CUL7: variants seen among roughly 807,000 people sequenced by gnomAD.
CUL7 encodes the protein cullin 7, also known as cullin-7.
Under a neutral mutation model 177.7 loss-of-function variants are expected in CUL7, and 96 were observed. The observed-to-expected ratio is 0.54, with a 90% confidence interval of 0.46 to 0.64. The LOEUF is 0.64. CUL7 is among the 30% of genes least tolerant of loss of function. The pLI is 0.00. For synonymous variants in CUL7, 824 were observed against 890.2 expected (o/e 0.93, Z 1.32); for missense variants, 1,893 against 2,187.9 (o/e 0.87, Z 2.69).
chr6:43,044,361 T>C (rs1490707688), intron 16 of CUL7, among the ~76,000 whole-genome samples: 1 of 151,370 alleles, frequency 6.6e-6, no homozygotes, highest in East Asian at 1.9e-4. Context: ...TAGCCAGGCA[T>C]GGTGGTGCAT....
At chr6:43,041,146 G>T in intron 19 of CUL7, 71 bp from the exon 20 acceptor site, 1 of 1,518,980 alleles carries the variant, frequency 6.6e-7, no homozygotes, top group African/African-American at 1.4e-5. Flanking sequence ...GGAGGGATGA[G>T]GGTCTGGAAA....
Position 43,048,113 on chromosome 6 carries a change from T to C in CUL7, c.2169+35A>G, listed in dbSNP as rs560561057. ...CTTGCCAGTGGCTGCCTTTATCCTCTCCCCCAGCCTCTCCCCAGAGCAGGG... is the reference window on the plus strand; with the variant it reads ...CTTGCCAGTGGCTGCCTTTATCCTCCCCCCCAGCCTCTCCCCAGAGCAGGG... On this transcript the variant is annotated intron_variant, in intron 9 of 25. Coordinates refer to ENST00000265348, the MANE Select transcript of CUL7 (RefSeq NM_014780.5). 32 of 1,431,778 alleles carry C rather than the reference T, an allele frequency of 2.2e-5. No individual in the cohort carries two copies. In the East Asian group the frequency reaches 7.3e-4, roughly 33 times the overall value. 88.7% of individuals were successfully genotyped at this position (1,431,778 alleles called of 1,614,324 possible). A position where few individuals can be genotyped will look rare whatever the true frequency, so the allele number is the denominator to read the frequency against.
chr6:43,049,586 T>G lies in CUL7; in HGVS notation c.1646A>C (p.Gln549Pro), dbSNP rs1166502048. ...CCTGAGGGCACTGTCATTGAGTCGC[T>G]GTGGCAGAGTCAGCAGCAAGTCCTG... is the stretch of plus-strand genomic sequence containing the variant. ...LAQDLLLTLP[Q>P]RLNDSALRDL... Residue 549 changes from glutamine (Q) to proline (P), a missense_variant, in exon 7 of 26, where the codon CAG (glutamine) becomes CCG (proline). Physicochemically the swap from Gln to Pro is moderately conservative, Grantham distance 76. Coordinates refer to ENST00000265348, the MANE Select transcript of CUL7 (RefSeq NM_014780.5). 6.2e-7 allele frequency: 1 copy of G among 1,614,230 alleles called. No homozygotes were observed. Among genetic ancestry groups the G allele is most frequent in the South Asian group, 1.1e-5 (1 of 91,084 alleles).
rs568980694 is a variant in CUL7 at position 43,051,918 on chromosome 6, C to A, written c.581-155G>T. 6.6e-6 allele frequency among the ~76,000 whole-genome samples: 1 copy of A among 152,238 alleles called. No individual in the cohort carries two copies. The highest frequency in any genetic ancestry group is 2.1e-4 in the South Asian group (1 of 4,822). On this transcript the variant is annotated intron_variant, in intron 2 of 25. Coordinates refer to ENST00000265348, the MANE Select transcript of CUL7 (RefSeq NM_014780.5). This position sits in a 1 kb window ranked among gnomAD's most constrained non-coding sequence, Gnocchi z 5.0. The stretch of plus-strand genomic sequence containing the variant: ...TAAAATTTGCTAACTTATACACATA[C>A]ACACACACACGCACATAAACACGAT...
In CUL7 at chr6:43,053,773, C is replaced by T; in HGVS notation, c.-160G>A. On this transcript the variant is annotated 5_prime_UTR_variant, in exon 1 of 26. Transcript: ENST00000265348. This position sits in a 1 kb window ranked among gnomAD's most constrained non-coding sequence, Gnocchi z 4.1. The stretch of plus-strand genomic sequence containing the variant: ...GGGGGCGTGCCTCCGCGGAACAGAG[C>T]TGCACCCGCGTGAGTCGGCAGCCAC... 6.5e-7 allele frequency: 1 copy of T among 1,530,608 alleles called. No individual in the cohort carries two copies. The highest frequency in any genetic ancestry group is 8.7e-7 in the Non-Finnish European group (1 of 1,144,856). 94.8% of individuals were successfully genotyped at this position (1,530,608 alleles called of 1,614,324 possible).
Position 43,050,415 on chromosome 6 carries a change from G to T in CUL7, c.1234-17C>A, listed in dbSNP as rs777421577. The T allele has an allele frequency of 6.2e-7, 1 of 1,613,966 alleles. No individual in the cohort carries two copies. Among genetic ancestry groups the T allele is most frequent in the East Asian group, 2.2e-5 (1 of 44,886 alleles). ...CCAAAATACCTGGAGCATAGGGAAA[G>T]AAAGAGGGAAGGGGAAGGGAGGACT... On this transcript the variant is annotated splice_polypyrimidine_tract_variant and intron_variant, in intron 4 of 25. Coordinates refer to ENST00000265348, the MANE Select transcript of CUL7 (RefSeq NM_014780.5). The surrounding 1 kb of genome is among the most constrained non-coding windows in gnomAD (Gnocchi z 4.1).
chr6:43,043,199 T>C lies in CUL7; in HGVS notation c.3356-19A>G, dbSNP rs1207498635. 1 of 1,599,500 alleles carries C rather than the reference T, an allele frequency of 6.3e-7. No homozygotes were observed. The highest frequency in any genetic ancestry group is 1.1e-5 in the South Asian group (1 of 90,638). ...CTGCCTTCTGTAGAGACCAAGAAAGTGGCAGAGGCAAGGAGGGTGCAGCCC... is the reference window on the plus strand; with the variant it reads ...CTGCCTTCTGTAGAGACCAAGAAAGCGGCAGAGGCAAGGAGGGTGCAGCCC... On this transcript the variant is annotated intron_variant, in intron 17 of 25. Transcript: ENST00000265348. This position sits in a 1 kb window ranked among gnomAD's most constrained non-coding sequence, Gnocchi z 4.2.
chr6:43,048,283 C>A (rs937848508), intron 8 of CUL7, 30 bp from the exon 9 acceptor site: 3 of 1,597,726 alleles, frequency 1.9e-6, no homozygotes, highest in Non-Finnish European at 2.6e-6. Context: ...TAGCCAGCCT[C>A]ATGGACCCCC....
chr6:43,051,843 C>A lies in CUL7; in HGVS notation c.581-80G>T. 6.4e-7 allele frequency: 1 copy of A among 1,550,890 alleles called. No individual in the cohort carries two copies. Among genetic ancestry groups the A allele is most frequent in the Non-Finnish European group, 8.9e-7 (1 of 1,123,954 alleles). On this transcript the variant is annotated intron_variant, in intron 2 of 25. Coordinates refer to ENST00000265348, the MANE Select transcript of CUL7 (RefSeq NM_014780.5). The surrounding 1 kb of genome is among the most constrained non-coding windows in gnomAD (Gnocchi z 5.0). ...TCTTAGACCCTCTACTCTTTCAATC[C>A]AATCCTTTTGCCACCACACAATGAG...
In CUL7 at chr6:43,052,037, A is replaced by G; in HGVS notation, c.580+172T>C. 1 of 1,229,262 alleles carries G rather than the reference A, an allele frequency of 8.1e-7. No homozygotes were observed. The allele number at this position is 1,229,262 out of a possible 1,614,324, so 76.1% of individuals were successfully genotyped here. The stretch of plus-strand genomic sequence containing the variant: ...GATAGTCTTTCCTCTTTTGGCAGAT[A>G]ACCCCCACCCTCACTCCCATGCCCA... On this transcript the variant is annotated intron_variant, in intron 2 of 25. Transcript: ENST00000265348. This position sits in a 1 kb window ranked among gnomAD's most constrained non-coding sequence, Gnocchi z 4.5.
At position 43,053,783 on chromosome 6, in the gene CUL7, G is replaced by A. The variant is rs1247699774; in HGVS notation, c.-170C>T. 5 of 1,531,606 alleles carry A rather than the reference G, an allele frequency of 3.3e-6. No individual in the cohort carries two copies. The highest frequency in any genetic ancestry group is 3.5e-6 in the Non-Finnish European group (4 of 1,145,438). The allele number at this position is 1,531,606 out of a possible 1,614,324, so 94.9% of individuals were successfully genotyped here. A position where few individuals can be genotyped will look rare whatever the true frequency, so the allele number is the denominator to read the frequency against. ...CTCCGCGGAACAGAGCTGCACCCGC[G>A]TGAGTCGGCAGCCACTGGGGCAGGG... On this transcript the variant is annotated 5_prime_UTR_variant, in exon 1 of 26. It adds an upstream start codon to the 5' untranslated region. Transcript: ENST00000265348. The surrounding 1 kb of genome is among the most constrained non-coding windows in gnomAD (Gnocchi z 4.1).
In CUL7 at chr6:43,044,755, G is replaced by C; in HGVS notation, c.3169C>G (p.Pro1057Ala). The change falls in exon 16 of 26, where the codon CCT becomes GCT. Residue 1057 changes from proline (P) to alanine (A), a missense_variant. This residue lies in a region of CUL7 where 973 missense variants were observed against 1,140.9 expected (regional missense o/e 0.85). Coordinates refer to ENST00000265348, the MANE Select transcript of CUL7 (RefSeq NM_014780.5). The stretch of plus-strand genomic sequence containing the variant: ...GTCCAGATGTCAGGATGGTTACCAG[G>C]GGAGGTGATGTTCTGCACCACGGGG... ...VSPVVQNITS[P>A]DEDGISPLGW... 1.2e-6 allele frequency: 2 copies of C among 1,609,242 alleles called. No individual in the cohort carries two copies. The highest frequency in any genetic ancestry group is 1.7e-6 in the Non-Finnish European group (2 of 1,175,982).
Position 43,040,912 on chromosome 6 carries a change from C to T in CUL7, c.3806+3G>A. On this transcript the variant is annotated splice_donor_region_variant and intron_variant, in intron 20 of 25. Transcript: ENST00000265348. The surrounding 1 kb of genome is among the most constrained non-coding windows in gnomAD (Gnocchi z 4.2). ...AGCTCCCGCTCCTTAGGTCCACACT[C>T]ACTGGTAATAATGCTCAAAAGTGGT... The T allele has an allele frequency of 6.2e-7, 1 of 1,613,160 alleles. No homozygotes were observed. The highest frequency in any genetic ancestry group is 1.1e-5 in the South Asian group (1 of 90,836).
Position 43,044,891 on chromosome 6 carries a change from G to A in CUL7, c.3039-6C>T. The A allele has an allele frequency of 6.2e-7, 1 of 1,612,434 alleles. No homozygotes were observed. Among genetic ancestry groups the A allele is most frequent in the Non-Finnish European group, 8.5e-7 (1 of 1,178,674 alleles). On this transcript the variant is annotated splice_polypyrimidine_tract_variant and splice_region_variant and intron_variant, in intron 15 of 25. Transcript: ENST00000265348. Reference sequence around the variant, plus strand: ...GGCGCAGAGCACCGTTGAGTCTGGGGGTGAGAATGGAGGAGGAAGGTGTCA... The same window carrying A: ...GGCGCAGAGCACCGTTGAGTCTGGGAGTGAGAATGGAGGAGGAAGGTGTCA...
intron 22 of CUL7, among the ~76,000 whole-genome samples, chr6:43,039,778 C>T (rs548501607): frequency 2.8e-4 from 36 of 128,182 alleles, no homozygotes; most frequent in Non-Finnish European, 5.2e-4. Flanking sequence ...GTCTCGCTGT[C>T]GCCCAGGCTA....
At position 43,046,310 on chromosome 6, in the gene CUL7, C is replaced by A. The variant is rs749595977; in HGVS notation, c.2586G>T (p.Lys862Asn). The A allele has an allele frequency of 2.2e-5, 35 of 1,614,084 alleles. No homozygotes were observed. In the Admixed American group the frequency reaches 5.7e-4, roughly 26 times the overall value. Residue 862 changes from lysine to asparagine, a missense_variant, in exon 12 of 26, where the codon AAG becomes AAT. Coordinates refer to ENST00000265348, the MANE Select transcript of CUL7 (RefSeq NM_014780.5). Reference sequence around the variant, plus strand: ...CGCTGCCGTTGGACTCCCAATAGGTCTTGGGGTTGTGGTCCGTCAGCTTGC... The same window carrying A: ...CGCTGCCGTTGGACTCCCAATAGGTATTGGGGTTGTGGTCCGTCAGCTTGC... ...RASKLTDHNP[K>N]TYWESNGSAG...
At position 43,052,866 on chromosome 6, in the gene CUL7, G is replaced by A; in HGVS notation, c.-8-70C>T. On this transcript the variant is annotated intron_variant, in intron 1 of 25. Coordinates refer to ENST00000265348, the MANE Select transcript of CUL7 (RefSeq NM_014780.5). The surrounding 1 kb of genome is among the most constrained non-coding windows in gnomAD (Gnocchi z 4.5). ...GAGGTCAGAAAATCAAAGATATCCA[G>A]GAGGTGGGGAAGCAAATGGCAACAG... is the stretch of plus-strand genomic sequence containing the variant. 2 of 1,505,768 alleles carry A rather than the reference G, an allele frequency of 1.3e-6. No homozygotes were observed. The highest frequency in any genetic ancestry group is 1.2e-5 in the South Asian group (1 of 84,668). 93.3% of individuals were successfully genotyped at this position (1,505,768 alleles called of 1,614,324 possible). A position where few individuals can be genotyped will look rare whatever the true frequency, so the allele number is the denominator to read the frequency against.
Position 43,043,493 on chromosome 6 carries a change from C to T in CUL7, c.3310G>A (p.Glu1104Lys), listed in dbSNP as rs765477014. The T allele has an allele frequency of 2.1e-5, 34 of 1,613,924 alleles. No individual in the cohort carries two copies. Among genetic ancestry groups the T allele is most frequent in the Middle Eastern group, 1.6e-4 (1 of 6,078 alleles). ...ACAGGAGGGGGTGCCTCACAGGGCT[C>T]GACATGCACCAGCAGGTGAGTGAGA... The part of the protein sequence containing the change: ...RRLTHLLVHV[E>K]PCEAPPPVVA... Residue 1104 changes from glutamate to lysine, a missense_variant, in exon 17 of 26, where the codon GAG (glutamate) becomes AAG (lysine). Glu to Lys is a moderately conservative substitution (Grantham distance 56). Transcript: ENST00000265348. This position sits in a 1 kb window ranked among gnomAD's most constrained non-coding sequence, Gnocchi z 4.2.
rs746584640 is a variant in CUL7 at position 43,038,575 on chromosome 6, T to C, written c.4558A>G (p.Ile1520Val). The change falls in exon 24 of 26, where the codon ATA becomes GTA. Residue 1520 changes from isoleucine to valine, a missense_variant. Coordinates refer to ENST00000265348, the MANE Select transcript of CUL7 (RefSeq NM_014780.5). ...GPLDLHEQKD[I>V]PGGVLKIRDG... Reference sequence around the variant, plus strand: ...GGCCCTAAGTGCATACCTCCTGGTATATCCTTTTGCTCGTGAAGGTCCAGG... The same window carrying C: ...GGCCCTAAGTGCATACCTCCTGGTACATCCTTTTGCTCGTGAAGGTCCAGG... The C allele has an allele frequency of 1.9e-5, 30 of 1,614,040 alleles. No homozygotes were observed. The highest frequency in any genetic ancestry group is 2.5e-5 in the Non-Finnish European group (29 of 1,180,028).
Sources: gnomAD v4.1 joint callset for allele counts (sites outside exome capture counted in the v4.1 genomes callset) on GRCh38, gnomAD v4.1.1 for gene constraint, gnomAD v4.1.1 regional missense constraint, Gnocchi (gnomAD v3.1) non-coding constraint, MANE v1.5 for transcripts, NCBI Gene and HGNC (gene_info 2026-07-23, HGNC 2026-07-21) for gene names.